Variants in HOXA3 observed in about 807,000 individuals in gnomAD.
HOXA3 encodes the protein homeobox A3.
In HOXA3, 8 loss-of-function variants were observed where a neutral mutation model predicts 30.3. The observed-to-expected ratio is 0.26, with a 90% CI of 0.15 to 0.48. The LOEUF (loss-of-function observed/expected upper bound fraction) is 0.48, where lower values mean the gene tolerates loss of function less well. Among genes scored for constraint, HOXA3 ranks in the 20% least tolerant of loss-of-function variants. HOXA3 has a pLI of 0.99. For synonymous variants in HOXA3, 323 were observed against 273.1 expected (o/e 1.18, Z -1.80); for missense variants, 653 against 614.4 (o/e 1.06, Z -0.66).
chr7:27,130,997 G>C (rs572506592), intron 2 of HOXA3, among the ~76,000 whole-genome samples: 4 of 152,214 alleles, frequency 2.6e-5, no homozygotes, highest in African/African-American at 9.6e-5. Flanking sequence ...GCGCGGACCC[G>C]GATCAGGAAA....
In HOXA3 at chr7:27,152,469, A is replaced by AGGCT. The variant is rs1562735625; in HGVS notation, c.-676_-675insAGCC. On this transcript the variant is annotated 5_prime_UTR_variant, in exon 1 of 6. The change abolishes the stop of an existing upstream ORF in the 5' untranslated region. Transcript: ENST00000612286. ...CGCCCAATCTCCAGCGGGAGCCGCC[A>AGGCT]GGCCTGGCCTGGCCGGGGCTTCCCT... is the stretch of plus-strand genomic sequence containing the variant. The AGGCT allele has an allele frequency of 8.8e-7, 1 of 1,140,320 alleles. No homozygotes were observed. Among genetic ancestry groups the AGGCT allele is most frequent in the Non-Finnish European group, 1.1e-6 (1 of 915,460 alleles). The allele number at this position is 1,140,320 out of a possible 1,614,324, so 70.6% of individuals were successfully genotyped here. A position where few individuals can be genotyped will look rare whatever the true frequency, so the allele number is the denominator to read the frequency against.
rs1052343017 is a variant in HOXA3, at chr7:27,108,835, G to T, written c.527-115C>A. 1 of 730,670 alleles carries T rather than the reference G, an allele frequency of 1.4e-6. No homozygotes were observed. Among genetic ancestry groups the T allele is most frequent in the Non-Finnish European group, 2.2e-6 (1 of 453,648 alleles). The allele number at this position is 730,670 out of a possible 1,614,324, so 45.3% of individuals were successfully genotyped here. ...CCCCAAAGGTTCCTGCATCCGTCAGGTCCCAGAGAGAAGTAGGAACTAGGT... is the reference window on the plus strand; with the variant it reads ...CCCCAAAGGTTCCTGCATCCGTCAGTTCCCAGAGAGAAGTAGGAACTAGGT... On this transcript the variant is annotated intron_variant, in intron 5 of 5. Transcript: ENST00000612286. The surrounding 1 kb of genome is among the most constrained non-coding windows in gnomAD (Gnocchi z 5.0).
intron 3 of HOXA3, chr7:27,123,394 A>C (rs937839765): frequency 6.6e-6 from 1 of 152,498 alleles, no homozygotes; most frequent in Non-Finnish European, 1.5e-5. Flanking sequence ...AGCCGATCTG[A>C]TGCCTTGATT....
At chr7:27,121,264 TGATA>T (rs1380739236) in intron 4 of HOXA3, 3 of 148,808 alleles carry the variant, frequency 2.0e-5, no homozygotes, top group Non-Finnish European at 4.4e-5. Flanking sequence ...TGTGTGTGTA[TGATA>T]GATTCTTATT....
At position 27,130,496 on chromosome 7, in the gene HOXA3, G is replaced by A. The variant is rs1322988312; in HGVS notation, c.-389-3426C>T. 7.0e-6 allele frequency: 9 copies of A among 1,282,890 alleles called. No homozygotes were observed. The South Asian group carries it at 2.1e-4, about 29-fold the overall frequency. 79.5% of individuals were successfully genotyped at this position (1,282,890 alleles called of 1,614,324 possible). On this transcript the variant is annotated intron_variant, in intron 2 of 5. Transcript: ENST00000612286. ...GCGGCAGCAGGGTAGGCGGGCTCGC[G>A]GGCGGTCCGCGGCGCGTAGTAGGAG...
At chr7:27,146,042 C>T in intron 1 of HOXA3, 5 of 1,134,946 alleles carry the variant, frequency 4.4e-6, no homozygotes, top group Non-Finnish European at 6.2e-6. Context: ...GCCTCTCCCA[C>T]TATGTCTGGG....
At chr7:27,129,509 C>G (rs1210308049) in intron 2 of HOXA3, 1 of 1,614,016 alleles carries the variant, frequency 6.2e-7, no homozygotes, top group Non-Finnish European at 8.5e-7. Context: ...AGCTCCAAGA[C>G]CTGCTGCCGG....
At chr7:27,147,352 G>T (rs751880658) in intron 1 of HOXA3, 2 of 1,613,994 alleles carry the variant, frequency 1.2e-6, no homozygotes, top group South Asian at 1.1e-5. Context: ...AACCGGGCTC[G>T]TGTACTTCCG....
intron 4 of HOXA3, among the ~76,000 whole-genome samples, chr7:27,119,924 A>G (rs748848033): frequency 2.6e-5 from 4 of 152,116 alleles, no homozygotes; most frequent in Non-Finnish European, 5.9e-5. Context: ...TCCAGCTCCT[A>G]TCTAAGTTAC....
At chr7:27,122,053 G>A (rs918517091) in intron 4 of HOXA3, 2 of 152,654 alleles carry the variant, frequency 1.3e-5, no homozygotes, top group Admixed American at 1.3e-4. Flanking sequence ...TTTTTCTCAT[G>A]CCGAAGGAAA....
intron 2 of HOXA3, among the ~76,000 whole-genome samples, chr7:27,139,862 T>C (rs1284081950): frequency 6.6e-6 from 1 of 152,136 alleles, no homozygotes; most frequent in Non-Finnish European, 1.5e-5. Context: ...CAATTAAAGT[T>C]AGGCCTGGGG....
In HOXA3 at chr7:27,107,378, T is replaced by A. The variant is rs1415694475; in HGVS notation, c.*537A>T. The A allele has an allele frequency of 6.6e-6, 1 of 151,968 alleles. No individual in the cohort carries two copies. Among genetic ancestry groups the A allele is most frequent in the Admixed American group, 6.6e-5 (1 of 15,264 alleles). The allele number at this position is 151,968 out of a possible 1,614,324, so 9.4% of individuals were successfully genotyped here. ...AGATTATTCAATGCTTGCAAAAAAA[T>A]ATAAATAAATCTGACTGTTCACCAG... On this transcript the variant is annotated 3_prime_UTR_variant, in exon 6 of 6. Coordinates refer to ENST00000612286, the MANE Select transcript of HOXA3 (RefSeq NM_153631.3).
At position 27,129,104 on chromosome 7, in the gene HOXA3, A is replaced by G. The variant is rs111256830; in HGVS notation, c.-389-2034T>C. Reference sequence around the variant, plus strand: ...CTTCTTTTTGATTATTCTTTTCACCAATTTGGGTTTGTTTTGGTGTCTATT... The same window carrying G: ...CTTCTTTTTGATTATTCTTTTCACCGATTTGGGTTTGTTTTGGTGTCTATT... On this transcript the variant is annotated intron_variant, in intron 2 of 5. Coordinates refer to ENST00000612286, the MANE Select transcript of HOXA3 (RefSeq NM_153631.3). 152 of 741,692 alleles carry G rather than the reference A, an allele frequency of 2.0e-4. No individual in the cohort carries two copies. In the African/African-American group the frequency reaches 2.3e-3, roughly 11 times the overall value. 45.9% of individuals were successfully genotyped at this position (741,692 alleles called of 1,614,324 possible).
chr7:27,148,620 TCCCACCTTTGAA>T (rs1782869505), intron 1 of HOXA3, among the ~76,000 whole-genome samples: 1 of 152,176 alleles, frequency 6.6e-6, no homozygotes, highest in Non-Finnish European at 1.5e-5. Context: ...GGCGTCCCCA[TCCCACCTTTGAA>T]CCCAGGGAAT....
At chr7:27,114,880 T>TAATATATATTATATATATAATTTATA (rs11271601) in intron 4 of HOXA3, among the ~76,000 whole-genome samples, 1 of 98,404 alleles carries the variant, frequency 1.0e-5, no homozygotes, top group Admixed American at 1.2e-4. Context: ...ATTATATATA[T>TAATATATATTATATATATAATTTATA]GTATATACAT....
intron 1 of HOXA3, chr7:27,145,605 A>G (rs1782729445): frequency 6.4e-7 from 1 of 1,574,634 alleles, no homozygotes; most frequent in East Asian, 2.2e-5. Context: ...GGCGAGGGCA[A>G]GGGGGCAAAG....
At chr7:27,145,468 T>G in intron 1 of HOXA3, 4 of 718,476 alleles carry the variant, frequency 5.6e-6, no homozygotes, top group Admixed American at 2.6e-5. Context: ...TTTTGTTTTG[T>G]TTTGTTTTGT....
intron 1 of HOXA3, chr7:27,147,294 G>A (rs373568444): frequency 6.2e-7 from 1 of 1,608,448 alleles, no homozygotes; most frequent in Non-Finnish European, 8.5e-7. Flanking sequence ...CCACTGTCTT[G>A]GGATATGTCT....
At chr7:27,111,528 C>G (rs1038200740) in intron 4 of HOXA3, among the ~76,000 whole-genome samples, 3 of 133,712 alleles carry the variant, frequency 2.2e-5, no homozygotes, top group African/African-American at 9.5e-5. Flanking sequence ...GGTGAGGGAC[C>G]AACAGTAACA....
Sources: gnomAD v4.1 joint callset for allele counts (sites outside exome capture counted in the v4.1 genomes callset) on GRCh38, gnomAD v4.1.1 for gene constraint, Gnocchi (gnomAD v3.1) non-coding constraint, MANE v1.5 for transcripts, NCBI Gene and HGNC (gene_info 2026-07-23, HGNC 2026-07-21) for gene names.